PPP1R12B: variants seen among roughly 807,000 people sequenced by gnomAD.
The protein encoded by PPP1R12B is protein phosphatase 1 regulatory subunit 12B.
In PPP1R12B, 76 loss-of-function variants were observed where a neutral mutation model predicts 126.1. The ratio of observed to expected loss-of-function variants is 0.60; its 90% CI spans 0.50 to 0.73. The LOEUF (loss-of-function observed/expected upper bound fraction) is 0.73. Ranked by LOEUF, PPP1R12B falls within the 30% of genes least tolerant of loss-of-function variation. PPP1R12B has a pLI of 0.00. For synonymous variants in PPP1R12B, 356 were observed against 434.7 expected, an observed-to-expected ratio of 0.82 and a Z score of 2.25; for missense variants, 1,052 against 1,205.1, an observed-to-expected ratio of 0.87 and a Z score of 1.88.
intron 1 of PPP1R12B, among the ~76,000 whole-genome samples, chr1:202,356,624 G>A (rs1270883512): frequency 1.3e-5 from 2 of 152,250 alleles, no homozygotes; most frequent in Non-Finnish European, 2.9e-5. Context: ...AGGCAAGAGA[G>A]CAGAATCAGA....
intron 18 of PPP1R12B, among the ~76,000 whole-genome samples, chr1:202,513,643 G>A (rs1463881207): frequency 1.3e-5 from 2 of 152,200 alleles, no homozygotes; most frequent in Non-Finnish European, 2.9e-5. Context: ...TTTTAGAGCA[G>A]TGATTCCCAA....
chr1:202,354,583 G>A (rs937710059), intron 1 of PPP1R12B, among the ~76,000 whole-genome samples: 1 of 151,480 alleles, frequency 6.6e-6, no homozygotes, highest in South Asian at 2.1e-4. Context: ...ACAAACAAGA[G>A]CCACCATGCC....
intron 13 of PPP1R12B, among the ~76,000 whole-genome samples, chr1:202,449,568 G>A (rs36064916): frequency 0.076 from 11,303 of 148,830 alleles, 452 homozygotes; most frequent in Non-Finnish European, 0.087. Flanking sequence ...GAGCCACTGC[G>A]CCCAGCCTGA....
At position 202,505,454 on chromosome 1, in the gene PPP1R12B, G is replaced by A. The variant is rs187245980; in HGVS notation, c.2490+8632G>A. ...GGCTATTTGCTGGATCCTTTCTCTC[G>A]AGCAGAATTTTTTAATCTTGTGAAA... On this transcript the variant is annotated intron_variant, in intron 18 of 23. Transcript: ENST00000608999. 2.5e-3 allele frequency among the ~76,000 whole-genome samples: 374 copies of A among 152,078 alleles called. 1 individual carries two copies. The highest frequency in any genetic ancestry group is 8.1e-3 in the African/African-American group (337 of 41,472).
At chr1:202,575,022 GATTCA>G in intron 23 of PPP1R12B, 4 of 1,612,858 alleles carry the variant, frequency 2.5e-6, no homozygotes, top group Non-Finnish European at 3.4e-6. Flanking sequence ...AGCTAAAACA[GATTCA>G]AACCTTGAAG....
At chr1:202,420,523 T>C (rs1467270715) in intron 2 of PPP1R12B, among the ~76,000 whole-genome samples, 1 of 152,204 alleles carries the variant, frequency 6.6e-6, no homozygotes, top group East Asian at 1.9e-4. Context: ...AGTTTGATTA[T>C]AGAGTATAGG....
At chr1:202,352,684 C>T (rs1227331936) in intron 1 of PPP1R12B, among the ~76,000 whole-genome samples, 5 of 151,928 alleles carry the variant, frequency 3.3e-5, no homozygotes, top group African/African-American at 4.8e-5. Context: ...GTCAGGAGTT[C>T]GAGACCAGCC....
chr1:202,568,891 A>G (rs944084582), intron 22 of PPP1R12B, among the ~76,000 whole-genome samples: 11 of 152,206 alleles, frequency 7.2e-5, no homozygotes, highest in Admixed American at 2.6e-4. Flanking sequence ...TTCTGTTTGC[A>G]TATTAGCAAG....
intron 18 of PPP1R12B, among the ~76,000 whole-genome samples, chr1:202,521,638 A>C (rs1298150713): frequency 6.6e-6 from 1 of 152,208 alleles, no homozygotes; most frequent in Non-Finnish European, 1.5e-5. Context: ...GAATTAGGAA[A>C]TAGAACTGAG....
Position 202,411,595 on chromosome 1 carries a change from T to G in PPP1R12B, c.292-5192T>G, listed in dbSNP as rs184285685. Among the ~76,000 whole-genome samples the G allele has an allele frequency of 2.6e-5, 4 of 152,054 alleles. No individual in the cohort carries two copies. The East Asian group carries it at 5.8e-4, about 22-fold the overall frequency. ...CATTGAGGACTAAGTACTTTTTGTTTTTTTTTTTTCCCCTTGAGGCAGTTG... is the reference window on the plus strand; with the variant it reads ...CATTGAGGACTAAGTACTTTTTGTTGTTTTTTTTTCCCCTTGAGGCAGTTG... On this transcript the variant is annotated intron_variant, in intron 1 of 23. Coordinates refer to ENST00000608999, the MANE Select transcript of PPP1R12B (RefSeq NM_002481.4).
intron 10 of PPP1R12B, among the ~76,000 whole-genome samples, 156 bp from the exon 11 acceptor site, chr1:202,440,550 A>T (rs1265986124): frequency 6.6e-6 from 1 of 152,218 alleles, no homozygotes; most frequent in African/African-American, 2.4e-5. Flanking sequence ...AAGCTTTTGA[A>T]AGCTAACCTT....
intron 1 of PPP1R12B, among the ~76,000 whole-genome samples, chr1:202,354,012 A>G (rs943341355): frequency 3.9e-5 from 6 of 152,204 alleles, no homozygotes; most frequent in African/African-American, 7.2e-5. Context: ...CAACCTGTCA[A>G]TATATATGGA....
At chr1:202,421,461 A>C (rs1668763660) in intron 2 of PPP1R12B, among the ~76,000 whole-genome samples, 1 of 151,714 alleles carries the variant, frequency 6.6e-6, no homozygotes, top group Non-Finnish European at 1.5e-5. Flanking sequence ...ACATGGCAAC[A>C]CACCATCTCT....
intron 12 of PPP1R12B, among the ~76,000 whole-genome samples, chr1:202,442,856 G>A (rs1671803281): frequency 6.6e-6 from 1 of 151,652 alleles, no homozygotes; most frequent in African/African-American, 2.4e-5. Context: ...GTAATCTCTG[G>A]GCAAGACTGA....
rs1276380801 is a variant in PPP1R12B, at chr1:202,419,630, C to T, written c.422+2713C>T. ...TCCTGTATACCCAAGTGACATTATG[C>T]CTGATCCAGTAGGGATGGAATAGAT... On this transcript the variant is annotated intron_variant, in intron 2 of 23. Coordinates refer to ENST00000608999, the MANE Select transcript of PPP1R12B (RefSeq NM_002481.4). The surrounding 1 kb of genome is among the most constrained non-coding windows in gnomAD (Gnocchi z 4.6). Among the ~76,000 whole-genome samples, 2 of 151,944 alleles carry T rather than the reference C, an allele frequency of 1.3e-5. No individual in the cohort carries two copies. Among genetic ancestry groups the T allele is most frequent in the Admixed American group, 1.3e-4 (2 of 15,258 alleles).
At chr1:202,492,112 C>A (rs2148848226) in intron 14 of PPP1R12B, among the ~76,000 whole-genome samples, 1 of 152,274 alleles carries the variant, frequency 6.6e-6, no homozygotes, top group South Asian at 2.1e-4. Flanking sequence ...TACCCAAGTT[C>A]TTTTTACTCT....
chr1:202,386,006 T>C (rs1663067497), intron 1 of PPP1R12B, among the ~76,000 whole-genome samples: 1 of 152,014 alleles, frequency 6.6e-6, no homozygotes, highest in African/African-American at 2.4e-5. Context: ...CGATCTTGGC[T>C]CACTGCAAGC....
At chr1:202,416,203 A>G (rs1668034818) in intron 1 of PPP1R12B, among the ~76,000 whole-genome samples, 2 of 152,224 alleles carry the variant, frequency 1.3e-5, no homozygotes, top group South Asian at 4.1e-4. Context: ...TCGCTTTCAC[A>G]ATTAATCCTA....
intron 1 of PPP1R12B, among the ~76,000 whole-genome samples, chr1:202,355,912 G>A (rs1656996112): frequency 6.6e-6 from 1 of 152,128 alleles, no homozygotes; most frequent in South Asian, 2.1e-4. Flanking sequence ...GCCCATATCT[G>A]TAATCCCAGC....
Sources: allele counts gnomAD v4.1 joint callset (sites outside exome capture counted in the v4.1 genomes callset), GRCh38; gene constraint gnomAD v4.1.1; non-coding constraint Gnocchi (gnomAD v3.1); transcripts MANE v1.5; gene names NCBI Gene and HGNC (gene_info 2026-07-23, HGNC 2026-07-21).